PPIG: variants seen among roughly 807,000 people sequenced by gnomAD.
PPIG encodes the protein peptidylprolyl isomerase G.
A neutral mutation model predicts 87.9 loss-of-function variants in PPIG; 26 were observed. That is an observed-to-expected ratio of 0.30 (90% CI 0.22 to 0.41). The LOEUF (loss-of-function observed/expected upper bound fraction) is 0.41. Ranked by LOEUF, PPIG falls within the 10% of genes least tolerant of loss-of-function variation. The pLI is 1.00. For missense variants in PPIG, 722 were observed against 879.4 expected (o/e 0.82, Z 2.26); for synonymous variants, 308 against 276.5 (o/e 1.11, Z -1.13).
chr2:169,637,037 CAG>C lies in PPIG; in HGVS notation c.1783_1784del (p.Glu595ThrfsTer24). 1 of 1,613,676 alleles carries C rather than the reference CAG, an allele frequency of 6.2e-7. No individual in the cohort carries two copies. The highest frequency in any genetic ancestry group is 8.5e-7 in the Non-Finnish European group (1 of 1,179,912). On this transcript the variant is annotated frameshift_variant, in exon 14 of 14. Coordinates refer to ENST00000260970, the MANE Select transcript of PPIG (RefSeq NM_004792.3). LOFTEE classifies it high-confidence loss of function. The part of the protein sequence containing the change: ...RSRSKEYHRY[R>X]EQEYRRRGRS... ...GCAGAAGCAAGGAGTACCATAGATA[CAG>C]AGAACAGGAATACAGGAGAAGAGGA...
At position 169,630,992 on chromosome 2, in the gene PPIG, T is replaced by C; in HGVS notation, c.761+5T>C. ...GCGAAAGAAAAGCAAGAAGAGGTCTTAATTTTACTTTTCTAATGCTAGCTT... is the reference window on the plus strand; with the variant it reads ...GCGAAAGAAAAGCAAGAAGAGGTCTCAATTTTACTTTTCTAATGCTAGCTT... On this transcript the variant is annotated splice_donor_5th_base_variant and intron_variant, in intron 10 of 13. Transcript: ENST00000260970. 1 of 1,573,068 alleles carries C rather than the reference T, an allele frequency of 6.4e-7. No homozygotes were observed. The highest frequency in any genetic ancestry group is 8.6e-7 in the Non-Finnish European group (1 of 1,164,046).
intron 1 of PPIG, among the ~76,000 whole-genome samples, chr2:169,586,335 A>C (rs1482090264): frequency 6.6e-6 from 1 of 152,152 alleles, no homozygotes; most frequent in African/African-American, 2.4e-5. Context: ...AGGTTAGAAA[A>C]ATTTGGACTT....
At chr2:169,595,808 G>T (rs1162051794) in intron 1 of PPIG, among the ~76,000 whole-genome samples, 1 of 152,068 alleles carries the variant, frequency 6.6e-6, no homozygotes, top group Middle Eastern at 3.2e-3. Context: ...GTTTTGTTTT[G>T]TTTTTTGCTT....
At chr2:169,614,162 TG>T (rs1303530538) in intron 7 of PPIG, among the ~76,000 whole-genome samples, 1 of 152,220 alleles carries the variant, frequency 6.6e-6, no homozygotes, top group African/African-American at 2.4e-5. Flanking sequence ...AGAACTCAAG[TG>T]CAAGAAACAT....
At position 169,584,462 on chromosome 2, in the gene PPIG, C is replaced by G. The variant is rs1486652404; in HGVS notation, c.-98C>G. ...TTGAAGCGCTTCAAAGGACCGGACC[C>G]AGAGAAGAGGAAAACTCTACCGGTG... On this transcript the variant is annotated 5_prime_UTR_variant, in exon 1 of 14. Coordinates refer to ENST00000260970, the MANE Select transcript of PPIG (RefSeq NM_004792.3). The G allele has an allele frequency of 2.1e-6, 1 of 470,816 alleles. No individual in the cohort carries two copies. Among genetic ancestry groups the G allele is most frequent in the South Asian group, 1.6e-5 (1 of 64,494 alleles). The allele number at this position is 470,816 out of a possible 1,614,324, so 29.2% of individuals were successfully genotyped here.
At chr2:169,606,188 C>G (rs1685319424) in intron 5 of PPIG, 42 bp downstream of exon 5, 1 of 1,395,444 alleles carries the variant, frequency 7.2e-7, no homozygotes, top group African/African-American at 1.4e-5. Flanking sequence ...TGTTAAATAT[C>G]ACAGATCTCA....
chr2:169,592,396 C>A (rs1362522584), intron 1 of PPIG, among the ~76,000 whole-genome samples: 2 of 149,130 alleles, frequency 1.3e-5, no homozygotes, highest in Non-Finnish European at 3.0e-5. Flanking sequence ...GCTCCGCCTC[C>A]CGGGTTCACG....
intron 1 of PPIG, 33 bp downstream of exon 1, chr2:169,584,523 G>C: frequency 2.1e-6 from 1 of 470,050 alleles, no homozygotes; most frequent in East Asian, 7.0e-5. Context: ...TGTTCTGGCG[G>C]CGTCATTTCA....
At chr2:169,633,096 T>C (rs1686099907) in intron 11 of PPIG, 64 bp from the exon 12 acceptor site, 1 of 1,237,306 alleles carries the variant, frequency 8.1e-7, no homozygotes, top group African/African-American at 1.5e-5. Flanking sequence ...TTTATTAAAG[T>C]AACATGTCTG....
rs1686025658 is a variant in PPIG at position 169,630,790 on chromosome 2, G to T, written c.564G>T (p.Lys188Asn). 8 of 1,595,956 alleles carry T rather than the reference G, an allele frequency of 5.0e-6. No homozygotes were observed. Among genetic ancestry groups the T allele is most frequent in the Middle Eastern group, 1.7e-4 (1 of 6,022 alleles). ...TTATTAAAGTTAAGAAAGAAGAAAA[G>T]AAAAGGCATAAATCATCATCATCTT... is the stretch of plus-strand genomic sequence containing the variant. ...IPKSKVKKEE[K>N]KRHKSSSSSS... The change falls in exon 10 of 14, where the codon AAG becomes AAT. Residue 188 changes from lysine to asparagine, a missense_variant. By Grantham distance (94) the Lys-to-Asn change is moderately conservative. Around this residue, in one of 4 missense-constraint regions of PPIG, gnomAD observed 142 missense variants for 152.8 expected, o/e 0.93. Transcript: ENST00000260970.
chr2:169,592,292 ATGTCTTT>A (rs1306137178), intron 1 of PPIG, among the ~76,000 whole-genome samples: 12 of 131,326 alleles, frequency 9.1e-5, no homozygotes, highest in African/African-American at 3.4e-4. Flanking sequence ...CTGGTTTCAG[ATGTCTTT>A]TTTCTTTTTT....
intron 12 of PPIG, 91 bp downstream of exon 12, chr2:169,633,338 G>T (rs1421109722): frequency 2.0e-6 from 2 of 1,014,078 alleles, no homozygotes; most frequent in African/African-American, 1.6e-5. Context: ...ATTTTAATGT[G>T]CAAGTAACTA....
intron 9 of PPIG, among the ~76,000 whole-genome samples, chr2:169,619,774 G>T (rs1685694949): frequency 6.6e-6 from 1 of 151,238 alleles, no homozygotes; most frequent in South Asian, 2.1e-4. Flanking sequence ...AATAGCCATT[G>T]TAACAGGTGT....
At chr2:169,608,401 A>G (rs1652655991) in intron 6 of PPIG, among the ~76,000 whole-genome samples, 2 of 152,090 alleles carry the variant, frequency 1.3e-5, no homozygotes, top group South Asian at 4.2e-4. Flanking sequence ...AGGCAGGAGA[A>G]TGGCGTGAAC....
At chr2:169,617,910 G>A (rs1294349072) in intron 9 of PPIG, among the ~76,000 whole-genome samples, 1 of 152,168 alleles carries the variant, frequency 6.6e-6, no homozygotes, top group Non-Finnish European at 1.5e-5. Flanking sequence ...AGAGGTGAGA[G>A]TGGGCATCCT....
chr2:169,605,336 AAAAT>A (rs1251108313), intron 4 of PPIG, among the ~76,000 whole-genome samples: 1 of 151,742 alleles, frequency 6.6e-6, no homozygotes, highest in Admixed American at 6.6e-5. Flanking sequence ...CTGTCTCAAA[AAAAT>A]AAATAACAAA....
chr2:169,633,210 C>G lies in PPIG; in HGVS notation c.980C>G (p.Thr327Ser). The change falls in exon 12 of 14, where the codon ACT (threonine) becomes AGT (serine). Residue 327 changes from threonine (T) to serine (S), a missense_variant. Transcript: ENST00000260970. ...PASYQRRLLV[T>S]RSGRKIKGRG... ...TCATACCAGAGACGACTTTTAGTTA[C>G]TAGATCTGGCAGGAAAATTAAAGGA... The G allele has an allele frequency of 6.2e-7, 1 of 1,610,632 alleles. No individual in the cohort carries two copies. Among genetic ancestry groups the G allele is most frequent in the Non-Finnish European group, 8.5e-7 (1 of 1,177,510 alleles).
At position 169,604,329 on chromosome 2, in the gene PPIG, T is replaced by TG. The variant is rs57224243; in HGVS notation, c.136+68_136+69insG. The stretch of plus-strand genomic sequence containing the variant: ...ACTATGGCTTGCTTGCTTGCTTGGT[T>TG]TTTTTTTTTTTTTTTTTTTTTTTTT... On this transcript the variant is annotated intron_variant, in intron 4 of 13. Coordinates refer to ENST00000260970, the MANE Select transcript of PPIG (RefSeq NM_004792.3). The TG allele has an allele frequency of 1.2e-4, 13 of 110,492 alleles. No individual in the cohort carries two copies. In the East Asian group the frequency reaches 1.9e-3, roughly 16 times the overall value. 6.8% of individuals were successfully genotyped at this position (110,492 alleles called of 1,614,324 possible). A position where few individuals can be genotyped will look rare whatever the true frequency, so the allele number is the denominator to read the frequency against.
At chr2:169,614,847 G>T in intron 9 of PPIG, 123 bp downstream of exon 9, 1 of 1,142,662 alleles carries the variant, frequency 8.8e-7, no homozygotes, top group South Asian at 1.9e-5. Flanking sequence ...GTTTTAAAAT[G>T]TATTTCTGTG....
Sources: allele counts gnomAD v4.1 joint callset (sites outside exome capture counted in the v4.1 genomes callset), GRCh38; gene constraint gnomAD v4.1.1; regional missense constraint gnomAD v4.1.1; transcripts MANE v1.5; gene names NCBI Gene and HGNC (gene_info 2026-07-23, HGNC 2026-07-21).